PCDHA4: variants seen among roughly 807,000 people sequenced by gnomAD.
The protein encoded by PCDHA4 is protocadherin alpha-4.
Under a neutral mutation model 61.4 loss-of-function variants are expected in PCDHA4, and 49 were observed. The ratio of observed to expected loss-of-function variants is 0.80; its 90% CI spans 0.63 to 1.01. PCDHA4 has a LOEUF of 1.01. PCDHA4 is among the 50% of genes least tolerant of loss of function. The pLI, the probability that PCDHA4 is intolerant of heterozygous loss-of-function variation, is 0.00. For missense variants in PCDHA4, 1,254 were observed against 1,235.8 expected, an observed-to-expected ratio of 1.01 and a Z score of -0.22; for synonymous variants, 590 against 550.3, an observed-to-expected ratio of 1.07 and a Z score of -1.01.
chr5:140,841,885 G>C (rs2150324724), intron 1 of PCDHA4: 2 of 1,613,802 alleles, frequency 1.2e-6, no homozygotes, highest in Non-Finnish European at 1.7e-6. Context: ...AGAACGATGA[G>C]AATAAACTGG....
chr5:140,809,609 T>C, intron 1 of PCDHA4, 37 bp downstream of exon 1: 1 of 1,521,434 alleles, frequency 6.6e-7, no homozygotes, highest in Non-Finnish European at 8.8e-7. Flanking sequence ...ATTTTCGTAT[T>C]GTTTTTCTCT....
intron 1 of PCDHA4, chr5:140,870,035 A>G (rs1490530166): frequency 1.2e-6 from 2 of 1,613,656 alleles, no homozygotes; most frequent in African/African-American, 2.7e-5. Context: ...GATTATGAAG[A>G]AAACAAGTTT....
At chr5:140,860,225 A>C (rs2046280777) in intron 1 of PCDHA4, 1 of 151,528 alleles carries the variant, frequency 6.6e-6, no homozygotes, top group South Asian at 2.1e-4. Flanking sequence ...ATGTATATAT[A>C]AGCCAGGCAT....
At chr5:140,888,210 T>TTG (rs1325850915) in intron 1 of PCDHA4, among the ~76,000 whole-genome samples, 2 of 152,080 alleles carry the variant, frequency 1.3e-5, no homozygotes, top group Admixed American at 1.3e-4. Context: ...ATGCTGGATT[T>TTG]TGTGTGTGTG....
rs1265852069 is a variant in PCDHA4 at position 140,837,275 on chromosome 5, CTT to C, written c.2385+27704_2385+27705del. The C allele has an allele frequency of 4.6e-5, 7 of 152,036 alleles. 1 individual carries two copies. The highest frequency in any genetic ancestry group is 1.7e-4 in the African/African-American group (7 of 41,340). 9.4% of individuals were successfully genotyped at this position (152,036 alleles called of 1,614,324 possible). ...TTTTATCATATTTGTGTAGCACTGA[CTT>C]CTTTTTAACTTACTTTGTTGAGATG... On this transcript the variant is annotated intron_variant, in intron 1 of 3. Coordinates refer to ENST00000530339, the MANE Select transcript of PCDHA4 (RefSeq NM_018907.4).
intron 2 of PCDHA4, among the ~76,000 whole-genome samples, chr5:140,980,947 G>T (rs1430215851): frequency 6.6e-6 from 1 of 152,032 alleles, no homozygotes; most frequent in Non-Finnish European, 1.5e-5. Context: ...GCTGGCTCCA[G>T]GATAGTTACA....
chr5:140,829,977 G>T (rs2150178993), intron 1 of PCDHA4: 1 of 1,613,860 alleles, frequency 6.2e-7, no homozygotes, highest in Non-Finnish European at 8.5e-7. Context: ...CTGTACACGG[G>T]CGAGATCAGC....
At chr5:140,941,191 T>TTTTCTTTCTTTCTTTC (rs1217097209) in intron 1 of PCDHA4, among the ~76,000 whole-genome samples, 1 of 93,206 alleles carries the variant, frequency 1.1e-5, no homozygotes, top group Admixed American at 1.2e-4. Flanking sequence ...GCTTCTTTTT[T>TTTTCTTTCTTTCTTTC]TTTCTTTCTT....
intron 1 of PCDHA4, among the ~76,000 whole-genome samples, chr5:140,953,511 G>A (rs1243901831): frequency 1.3e-5 from 2 of 152,114 alleles, no homozygotes; most frequent in Non-Finnish European, 2.9e-5. Flanking sequence ...TTAGGCCAAA[G>A]CAACAAAAAC....
At position 140,858,049 on chromosome 5, in the gene PCDHA4, G is replaced by T. The variant is rs181372488; in HGVS notation, c.2385+48477G>T. 54 of 1,597,448 alleles carry T rather than the reference G, an allele frequency of 3.4e-5. 4 individuals carry two copies. Among genetic ancestry groups the T allele is most frequent in the Non-Finnish European group, 4.4e-5 (51 of 1,167,426 alleles). On this transcript the variant is annotated intron_variant, in intron 1 of 3. Coordinates refer to ENST00000530339, the MANE Select transcript of PCDHA4 (RefSeq NM_018907.4). ...CGGCCACGGCCACTGTGCTTGTGTC[G>T]CTTGTGGAGGGCAGCCAGGCACCCA... is the stretch of plus-strand genomic sequence containing the variant.
intron 1 of PCDHA4, chr5:140,828,564 C>T: frequency 6.2e-7 from 1 of 1,614,226 alleles, no homozygotes. Flanking sequence ...GAGGGCGCGT[C>T]CGATGCAGAT....
intron 1 of PCDHA4, chr5:140,857,619 A>C (rs1554150364): frequency 6.3e-7 from 1 of 1,596,352 alleles, no homozygotes; most frequent in South Asian, 1.1e-5. Flanking sequence ...CCGCTGGACC[A>C]CGAGGAGCTG....
chr5:140,840,060 C>A (rs2150302976), intron 1 of PCDHA4, among the ~76,000 whole-genome samples: 9 of 151,898 alleles, frequency 5.9e-5, no homozygotes, highest in Non-Finnish European at 1.3e-4. Flanking sequence ...AATGTCTTGA[C>A]AATTAGTCAA....
At chr5:140,839,918 C>T (rs1234582853) in intron 1 of PCDHA4, among the ~76,000 whole-genome samples, 1 of 151,872 alleles carries the variant, frequency 6.6e-6, no homozygotes, top group South Asian at 2.1e-4. Flanking sequence ...GAAGAAAAAC[C>T]TTGAACAAAG....
chr5:140,836,547 C>CGGT, intron 1 of PCDHA4: 1 of 1,613,738 alleles, frequency 6.2e-7, no homozygotes, highest in Non-Finnish European at 8.5e-7. Context: ...CACGGCGTTG[C>CGGT]GGTGCTCAGC....
intron 1 of PCDHA4, among the ~76,000 whole-genome samples, chr5:140,855,119 T>C (rs2043346913): frequency 1.3e-5 from 2 of 149,812 alleles, no homozygotes; most frequent in African/African-American, 4.9e-5. Flanking sequence ...AGGCATTCTA[T>C]AGGTAATAAT....
rs939986849 is a variant in PCDHA4, at chr5:140,871,330, G to T, written c.2385+61758G>T. 10 of 1,613,998 alleles carry T rather than the reference G, an allele frequency of 6.2e-6. No homozygotes were observed. Among genetic ancestry groups the T allele is most frequent in the Non-Finnish European group, 8.5e-6 (10 of 1,180,034 alleles). On this transcript the variant is annotated intron_variant, in intron 1 of 3. Transcript: ENST00000530339. The stretch of plus-strand genomic sequence containing the variant: ...GAAGCCCACGCTGGTGTGCTCCCGC[G>T]CGGTGGGGAGCTGGTCATACTCGCA...
At chr5:140,813,879 G>A (rs1765395294) in intron 1 of PCDHA4, 1 of 152,278 alleles carries the variant, frequency 6.6e-6, no homozygotes, top group South Asian at 2.1e-4. Context: ...CACACTTGTA[G>A]TTCCAGCTAC....
chr5:140,864,629 A>G (rs2048549336), intron 1 of PCDHA4: 1 of 152,244 alleles, frequency 6.6e-6, no homozygotes, highest in Non-Finnish European at 1.5e-5. Context: ...TAAAAAGAAA[A>G]CAAAACAAAA....
Sources: gnomAD v4.1 joint callset for allele counts (sites outside exome capture counted in the v4.1 genomes callset) on GRCh38, gnomAD v4.1.1 for gene constraint, MANE v1.5 for transcripts, NCBI Gene and HGNC (gene_info 2026-07-23, HGNC 2026-07-21) for gene names.